CARMIL1: variants seen among roughly 807,000 people sequenced by gnomAD.
CARMIL1 encodes the protein capping protein regulator and myosin 1 linker 1.
CARMIL1 carries 90 observed loss-of-function variants against 177.1 expected under a neutral mutation model. The ratio of observed to expected loss-of-function variants is 0.51; its 90% CI spans 0.43 to 0.61. The LOEUF is 0.61. Among genes scored for constraint, CARMIL1 ranks in the 20% least tolerant of loss-of-function variants. The pLI is 0.00. For synonymous variants in CARMIL1, 577 were observed against 606.2 expected, an observed-to-expected ratio of 0.95 and a Z score of 0.71; for missense variants, 1,380 against 1,667.0, an observed-to-expected ratio of 0.83 and a Z score of 3.00.
intron 8 of CARMIL1, chr6:25,452,439 G>A (rs1424213816): frequency 1.6e-5 from 8 of 510,370 alleles, no homozygotes; most frequent in Non-Finnish European, 2.8e-5. Context: ...CCAGTGTTTG[G>A]TCTCAGCGTT....
intron 2 of CARMIL1, among the ~76,000 whole-genome samples, chr6:25,372,353 A>C (rs879907741): frequency 2.0e-5 from 3 of 152,118 alleles, no homozygotes; most frequent in Non-Finnish European, 4.4e-5. Flanking sequence ...CATTTTCATG[A>C]AATTGATTCT....
chr6:25,339,577 C>T (rs1342183549), intron 2 of CARMIL1, among the ~76,000 whole-genome samples: 1 of 152,194 alleles, frequency 6.6e-6, no homozygotes, highest in Admixed American at 6.5e-5. Context: ...ACAAAAGTAT[C>T]TCCCAGCAGT....
rs1798928996 is a variant in CARMIL1 at position 25,451,563 on chromosome 6, G to T, written c.614+852G>T. Among the ~76,000 whole-genome samples, 2 of 152,082 alleles carry T rather than the reference G, an allele frequency of 1.3e-5. 1 individual carries two copies. Among genetic ancestry groups the T allele is most frequent in the Admixed American group, 1.3e-4 (2 of 15,274 alleles). ...AAGATCTTGACTTGAATATATTTAG[G>T]GCTATGGCTTGTGAGATTCAGACCT... On this transcript the variant is annotated intron_variant, in intron 8 of 36. Coordinates refer to ENST00000329474, the MANE Select transcript of CARMIL1 (RefSeq NM_017640.6).
At chr6:25,565,898 T>C (rs1811517641) in intron 29 of CARMIL1, among the ~76,000 whole-genome samples, 1 of 152,224 alleles carries the variant, frequency 6.6e-6, no homozygotes, top group Admixed American at 6.5e-5. Flanking sequence ...AGCTTCCTAC[T>C]TGACATCTCC....
chr6:25,364,553 A>T (rs995040930), intron 2 of CARMIL1, among the ~76,000 whole-genome samples: 20 of 148,988 alleles, frequency 1.3e-4, no homozygotes, highest in Admixed American at 6.0e-4. Flanking sequence ...TCCTATATGG[A>T]TTCTTTTTTC....
chr6:25,459,270 T>TCTTTCTTTCTTTCTTTCTTTC (rs1177493724), intron 8 of CARMIL1, among the ~76,000 whole-genome samples: 5 of 21,214 alleles, frequency 2.4e-4, no homozygotes, highest in Non-Finnish European at 3.3e-4. Context: ...TTCTTTCTTT[T>TCTTTCTTTCTTTCTTTCTTTC]TTTTTTTTTT....
chr6:25,589,998 C>T (rs1342138890), intron 31 of CARMIL1, among the ~76,000 whole-genome samples: 1 of 152,170 alleles, frequency 6.6e-6, no homozygotes, highest in Admixed American at 6.5e-5. Context: ...AGTATACTTC[C>T]AGTTGCATCT....
At chr6:25,516,112 A>G (rs1436976348) in intron 21 of CARMIL1, among the ~76,000 whole-genome samples, 1 of 152,176 alleles carries the variant, frequency 6.6e-6, no homozygotes, top group Non-Finnish European at 1.5e-5. Context: ...CCTATTTCGC[A>G]TCAGTGTTGA....
At chr6:25,383,190 T>C (rs946137359) in intron 2 of CARMIL1, among the ~76,000 whole-genome samples, 21 of 152,126 alleles carry the variant, frequency 1.4e-4, no homozygotes, top group African/African-American at 4.8e-4. Flanking sequence ...GATTGTTCCC[T>C]AACTTGGGTA....
intron 2 of CARMIL1, among the ~76,000 whole-genome samples, chr6:25,308,001 T>A (rs1292964003): frequency 1.3e-5 from 2 of 152,260 alleles, no homozygotes; most frequent in Non-Finnish European, 2.9e-5. Context: ...CAAATGGCAC[T>A]GATAAGACTT....
rs116515636 is a variant in CARMIL1, at chr6:25,407,805, A to G, written c.139-12309A>G. Among the ~76,000 whole-genome samples the G allele has an allele frequency of 3.5e-3, 534 of 152,308 alleles. 2 individuals carry two copies. The highest frequency in any genetic ancestry group is 0.011 in the African/African-American group (449 of 41,562). ...TGATGGAGAATGACCTGGCAGTGTC[A>G]GGGGGCAATAAACAGGGTAGTGGTA... On this transcript the variant is annotated intron_variant, in intron 2 of 36. Coordinates refer to ENST00000329474, the MANE Select transcript of CARMIL1 (RefSeq NM_017640.6).
chr6:25,350,240 T>G (rs6456676), intron 2 of CARMIL1, among the ~76,000 whole-genome samples: 8,950 of 152,232 alleles, frequency 0.059, 584 homozygotes, highest in African/African-American at 0.16. Context: ...CTTAGTATTT[T>G]TGCTTGTGTC....
At chr6:25,409,155 A>G (rs1794674145) in intron 2 of CARMIL1, among the ~76,000 whole-genome samples, 1 of 152,218 alleles carries the variant, frequency 6.6e-6, no homozygotes, top group Admixed American at 6.5e-5. Flanking sequence ...TATAGTTACC[A>G]TGGGAGTATT....
intron 24 of CARMIL1, among the ~76,000 whole-genome samples, chr6:25,533,379 T>C (rs1054491837): frequency 1.3e-5 from 2 of 152,246 alleles, no homozygotes; most frequent in South Asian, 2.1e-4. Flanking sequence ...TGTGAACTTA[T>C]GTTAGTCACT....
chr6:25,440,483 A>C (rs781385669), intron 5 of CARMIL1, among the ~76,000 whole-genome samples: 3 of 152,182 alleles, frequency 2.0e-5, no homozygotes, highest in Non-Finnish European at 4.4e-5. Flanking sequence ...TTGTCTCGAT[A>C]AGCCTAATAT....
intron 20 of CARMIL1, among the ~76,000 whole-genome samples, chr6:25,514,886 T>C (rs564402231): frequency 6.6e-6 from 1 of 150,680 alleles, no homozygotes; most frequent in African/African-American, 2.4e-5. Flanking sequence ...ATTGCACCAC[T>C]GCACTCCAGC....
intron 17 of CARMIL1, among the ~76,000 whole-genome samples, chr6:25,503,693 G>A (rs1325563878): frequency 1.3e-5 from 2 of 152,134 alleles, no homozygotes; most frequent in South Asian, 2.1e-4. Context: ...AGTTGAAATC[G>A]TAGCAGCTTC....
intron 2 of CARMIL1, among the ~76,000 whole-genome samples, chr6:25,327,733 C>A (rs1354495266): frequency 6.6e-6 from 1 of 152,190 alleles, no homozygotes; most frequent in Admixed American, 6.5e-5. Flanking sequence ...GCAATAAAAT[C>A]ATTCCTGGCT....
chr6:25,509,610 C>A lies in CARMIL1; in HGVS notation c.1396-46C>A. On this transcript the variant is annotated intron_variant, in intron 17 of 36. Coordinates refer to ENST00000329474, the MANE Select transcript of CARMIL1 (RefSeq NM_017640.6). This position sits in a 1 kb window ranked among gnomAD's most constrained non-coding sequence, Gnocchi z 4.1. ...ATTTTTAATTTTTTGATTACATCTC[C>A]AGTAGAGTGAAGACTTTACTTTGTG... The A allele has an allele frequency of 8.1e-7, 1 of 1,232,780 alleles. No individual in the cohort carries two copies. The highest frequency in any genetic ancestry group is 1.5e-5 in the African/African-American group (1 of 67,394). 76.4% of individuals were successfully genotyped at this position (1,232,780 alleles called of 1,614,324 possible).
Sources: allele counts gnomAD v4.1 joint callset (sites outside exome capture counted in the v4.1 genomes callset), GRCh38; gene constraint gnomAD v4.1.1; non-coding constraint Gnocchi (gnomAD v3.1); transcripts MANE v1.5; gene names NCBI Gene and HGNC (gene_info 2026-07-23, HGNC 2026-07-21).